Variants in CDH12 observed in about 807,000 individuals in gnomAD.
CDH12 encodes cadherin-12.
Under a neutral mutation model 74.1 loss-of-function variants are expected in CDH12, and 41 were observed. That is an observed-to-expected ratio of 0.55 (90% CI 0.43 to 0.72). CDH12 has a LOEUF of 0.72. CDH12 is among the 30% of genes least tolerant of loss of function. CDH12 has a pLI of 0.00. For synonymous variants in CDH12, 399 were observed against 355.0 expected (o/e 1.12, Z -1.39); for missense variants, 945 against 977.2 (o/e 0.97, Z 0.44).
intron 1 of CDH12, among the ~76,000 whole-genome samples, chr5:22,775,604 C>A (rs139796896): frequency 3.3e-5 from 5 of 151,852 alleles, no homozygotes; most frequent in Non-Finnish European, 7.4e-5. Flanking sequence ...AATGTTATAA[C>A]TTTTCCTTTT....
At chr5:22,720,251 T>G (rs1743808907) in intron 1 of CDH12, among the ~76,000 whole-genome samples, 1 of 152,156 alleles carries the variant, frequency 6.6e-6, no homozygotes, top group South Asian at 2.1e-4. Context: ...TTTGTGATAG[T>G]AAGTGAGTTC....
At chr5:22,387,593 A>T (rs566456728) in intron 3 of CDH12, among the ~76,000 whole-genome samples, 7 of 152,298 alleles carry the variant, frequency 4.6e-5, no homozygotes, top group African/African-American at 1.4e-4. Flanking sequence ...AGAATATTGA[A>T]TATGTAGGAT....
At chr5:22,149,751 C>T (rs552571172) in intron 4 of CDH12, among the ~76,000 whole-genome samples, 10 of 151,948 alleles carry the variant, frequency 6.6e-5, no homozygotes, top group Non-Finnish European at 1.2e-4. Flanking sequence ...GGATTACAGG[C>T]GTGAGCCACC....
intron 1 of CDH12, among the ~76,000 whole-genome samples, chr5:22,754,248 C>T (rs959322761): frequency 6.6e-6 from 1 of 152,142 alleles, no homozygotes; most frequent in South Asian, 2.1e-4. Flanking sequence ...TGTTGTGCAC[C>T]AGTTGACAAG....
At chr5:22,587,882 T>C (rs1740489368) in intron 1 of CDH12, among the ~76,000 whole-genome samples, 1 of 149,050 alleles carries the variant, frequency 6.7e-6, no homozygotes, top group African/African-American at 2.4e-5. Flanking sequence ...AGCACACATA[T>C]ATAAATCCAC....
chr5:21,834,690 A>G (rs1034529527), intron 8 of CDH12, among the ~76,000 whole-genome samples: 2 of 151,902 alleles, frequency 1.3e-5, no homozygotes, highest in African/African-American at 2.4e-5. Context: ...GTGTATTACT[A>G]TTTAAAACCT....
chr5:21,917,961 T>C (rs749869017), intron 6 of CDH12, among the ~76,000 whole-genome samples: 11 of 152,232 alleles, frequency 7.2e-5, no homozygotes, highest in Non-Finnish European at 1.0e-4. Flanking sequence ...ACTGGTTCCC[T>C]CTTCTATATT....
At chr5:22,191,448 C>A (rs1445757410) in intron 4 of CDH12, among the ~76,000 whole-genome samples, 1 of 151,308 alleles carries the variant, frequency 6.6e-6, no homozygotes, top group Non-Finnish European at 1.5e-5. Context: ...TAAATGGTGT[C>A]ATATTGAAAA....
intron 6 of CDH12, among the ~76,000 whole-genome samples, chr5:21,896,157 G>A (rs1753114413): frequency 6.6e-6 from 1 of 152,180 alleles, no homozygotes; most frequent in South Asian, 2.1e-4. Flanking sequence ...TGGAATGACA[G>A]CCAGCTTAAT....
chr5:22,571,973 C>T (rs907496066), intron 1 of CDH12, among the ~76,000 whole-genome samples: 4 of 152,046 alleles, frequency 2.6e-5, no homozygotes, highest in Admixed American at 2.6e-4. Flanking sequence ...AAATGTGACA[C>T]AGAGACATAA....
intron 3 of CDH12, among the ~76,000 whole-genome samples, chr5:22,366,269 T>A (rs1359962348): frequency 6.6e-6 from 1 of 152,112 alleles, no homozygotes; most frequent in Non-Finnish European, 1.5e-5. Context: ...AGTCTATTTA[T>A]CTAGAAAATA....
At chr5:22,402,917 A>C (rs1304745375) in intron 3 of CDH12, among the ~76,000 whole-genome samples, 1 of 152,246 alleles carries the variant, frequency 6.6e-6, no homozygotes, top group Non-Finnish European at 1.5e-5. Flanking sequence ...ATATAAGCAT[A>C]AACATTGGCA....
intron 14 of CDH12, among the ~76,000 whole-genome samples, chr5:21,752,506 G>T (rs1305194458): frequency 6.6e-6 from 1 of 152,030 alleles, no homozygotes; most frequent in Non-Finnish European, 1.5e-5. Flanking sequence ...AGTGTGTGTT[G>T]CAACAAAAGA....
At chr5:21,956,898 G>T (rs1353490494) in intron 6 of CDH12, among the ~76,000 whole-genome samples, 4 of 151,776 alleles carry the variant, frequency 2.6e-5, no homozygotes, top group African/African-American at 9.7e-5. Context: ...CATGGGTTTG[G>T]GCTTGCTTTC....
Position 22,251,289 on chromosome 5 carries a change from A to G in CDH12, c.-332-38646T>C, listed in dbSNP as rs566997636. 2.6e-5 allele frequency among the ~76,000 whole-genome samples: 4 copies of G among 152,294 alleles called. No homozygotes were observed. The East Asian group carries it at 7.7e-4, about 29-fold the overall frequency. ...AGCTGATGGACAGTCTTCTACTGAC[A>G]CTGATGGACAGGTGGTAAGGCCATA... is the stretch of plus-strand genomic sequence containing the variant. On this transcript the variant is annotated intron_variant, in intron 3 of 14. Transcript: ENST00000382254.
At chr5:22,015,473 C>T (rs976265449) in intron 5 of CDH12, among the ~76,000 whole-genome samples, 5 of 152,130 alleles carry the variant, frequency 3.3e-5, no homozygotes, top group African/African-American at 7.2e-5. Flanking sequence ...AAACTGAACA[C>T]TGATTCTCCA....
In CDH12 at chr5:21,975,323, A is replaced by G. The variant is rs745534937; in HGVS notation, c.294T>C (p.Ala98=). Residue 98 remains alanine, a synonymous_variant, in exon 6 of 15, where the codon GCT becomes GCC. Transcript: ENST00000382254. The part of the protein sequence containing the change: ...TVKYTLSGDG[A]GTVFTIDETT... ...TTTCATCAATGGTAAAAACGGTGCC[A>G]GCGCCATCTCCTGAGAGGGTGTATT... 2.5e-6 allele frequency: 4 copies of G among 1,597,294 alleles called. No homozygotes were observed. The highest frequency in any genetic ancestry group is 2.2e-5 in the East Asian group (1 of 44,864).
chr5:21,820,585 AG>A (rs1449927100), intron 8 of CDH12, among the ~76,000 whole-genome samples: 1 of 152,030 alleles, frequency 6.6e-6, no homozygotes, highest in Non-Finnish European at 1.5e-5. Flanking sequence ...CATTAAGATA[AG>A]TGTTTCTTAA....
intron 6 of CDH12, among the ~76,000 whole-genome samples, chr5:21,927,057 G>A (rs990543587): frequency 1.3e-5 from 2 of 152,184 alleles, no homozygotes; most frequent in Non-Finnish European, 2.9e-5. Context: ...TGTGGTCATA[G>A]CAAACAAGTC....
Sources: allele counts gnomAD v4.1 joint callset (sites outside exome capture counted in the v4.1 genomes callset), GRCh38; gene constraint gnomAD v4.1.1; transcripts MANE v1.5; gene names NCBI Gene and HGNC (gene_info 2026-07-23, HGNC 2026-07-21).